FOCAD: variants seen among roughly 807,000 people sequenced by gnomAD.
The protein encoded by FOCAD is focadhesin.
Under a neutral mutation model 225.6 loss-of-function variants are expected in FOCAD, and 198 were observed. That is an observed-to-expected ratio of 0.88 (90% CI 0.78 to 0.99). The LOEUF (loss-of-function observed/expected upper bound fraction) is 0.99. FOCAD is among the 50% of genes least tolerant of loss of function. The pLI is 0.00. For synonymous variants in FOCAD, 897 were observed against 755.0 expected, an observed-to-expected ratio of 1.19 and a Z score of -3.08; for missense variants, 2,713 against 2,123.6, an observed-to-expected ratio of 1.28 and a Z score of -5.46.
intron 35 of FOCAD, among the ~76,000 whole-genome samples, chr9:20,966,557 G>A (rs530437863): frequency 6.6e-6 from 1 of 152,122 alleles, no homozygotes; most frequent in South Asian, 2.1e-4. Flanking sequence ...TTGTTGCTCA[G>A]GTTTTTAATG....
In FOCAD at chr9:20,907,209, A is replaced by C. The variant is rs148962332; in HGVS notation, c.2685A>C (p.Ala895=). 84 of 1,613,326 alleles carry C rather than the reference A, an allele frequency of 5.2e-5. 2 individuals are homozygous for C. The East Asian group carries it at 1.7e-3, about 33-fold the overall frequency. The change falls in exon 22 of 44, where the codon GCA becomes GCC. Residue 895 remains alanine (A), a synonymous_variant. Transcript: ENST00000338382. ...TTTTTCTTCCACAGGCCTGGCTTGC[A>C]TACATGAATCGAGCTTATCATGCCA... ...RAIFLPQAWL[A]YMNRAYHAIL... is the part of the protein sequence containing the mutation.
chr9:20,798,586 G>T (rs530218115), intron 11 of FOCAD, among the ~76,000 whole-genome samples: 2 of 152,130 alleles, frequency 1.3e-5, no homozygotes, highest in Admixed American at 6.6e-5. Context: ...GAGGATGTAT[G>T]TGTCGAGGAA....
At chr9:20,950,098 A>T (rs1055668456) in intron 33 of FOCAD, among the ~76,000 whole-genome samples, 3 of 152,148 alleles carry the variant, frequency 2.0e-5, no homozygotes, top group African/African-American at 7.2e-5. Context: ...AAGAATAGAC[A>T]TATTAATCTC....
chr9:20,709,076 T>G (rs553186623), intron 1 of FOCAD, among the ~76,000 whole-genome samples: 1 of 152,354 alleles, frequency 6.6e-6, no homozygotes, highest in African/African-American at 2.4e-5. Flanking sequence ...TTGAGAAAGT[T>G]GAAAACCCAA....
At chr9:20,721,540 A>G (rs896654471) in intron 4 of FOCAD, among the ~76,000 whole-genome samples, 1 of 152,040 alleles carries the variant, frequency 6.6e-6, no homozygotes, top group Non-Finnish European at 1.5e-5. Flanking sequence ...TGTCTCTACT[A>G]AAAATACAAA....
chr9:20,685,109 C>T (rs1822582698), intron 1 of FOCAD, among the ~76,000 whole-genome samples: 1 of 152,124 alleles, frequency 6.6e-6, no homozygotes, highest in East Asian at 1.9e-4. Flanking sequence ...CCTTAATGGT[C>T]AGCCTCATAC....
chr9:20,927,135 G>C (rs74420650), intron 26 of FOCAD, among the ~76,000 whole-genome samples: 6,247 of 152,108 alleles, frequency 0.041, 172 homozygotes, highest in African/African-American at 0.078. Flanking sequence ...TTATTCTAAT[G>C]TGTAGTCAGG....
chr9:20,993,465 G>C, intron 43 of FOCAD, 137 bp downstream of exon 43: 1 of 670,312 alleles, frequency 1.5e-6, no homozygotes, highest in Non-Finnish European at 2.5e-6. Context: ...TTTGGATTTT[G>C]GATGTTTTTG....
intron 8 of FOCAD, among the ~76,000 whole-genome samples, chr9:20,772,309 G>A (rs560103530): frequency 5.0e-4 from 76 of 152,266 alleles, no homozygotes; most frequent in African/African-American, 1.8e-3. Flanking sequence ...ATATGGTTTT[G>A]AAATTTAGGC....
At chr9:20,899,107 G>GCCTAACCTAAT (rs1832351168) in intron 21 of FOCAD, among the ~76,000 whole-genome samples, 1 of 151,834 alleles carries the variant, frequency 6.6e-6, no homozygotes, top group African/African-American at 2.4e-5. Flanking sequence ...ACTCTTATTA[G>GCCTAACCTAAT]GTTAGGCTCT....
At position 20,948,853 on chromosome 9, in the gene FOCAD, C is replaced by T; in HGVS notation, c.3801C>T (p.Gly1267=). The change falls in exon 32 of 44, where the codon GGC becomes GGT. Residue 1267 remains glycine (G), a splice_region_variant and synonymous_variant. Transcript: ENST00000338382. ...PAWIRIVLTE[G]TPTMLCLAAL... ...ATATTCTGATGCTTTGTTTTCAGGGCACTCCCACAATGCTTTGTCTGGCAG... is the reference window on the plus strand; with the variant it reads ...ATATTCTGATGCTTTGTTTTCAGGGTACTCCCACAATGCTTTGTCTGGCAG... 4 of 1,613,414 alleles carry T rather than the reference C, an allele frequency of 2.5e-6. No homozygotes were observed. In the South Asian group the frequency reaches 4.4e-5, roughly 18 times the overall value.
chr9:20,918,567 C>T (rs1834071008), intron 24 of FOCAD, among the ~76,000 whole-genome samples: 1 of 151,796 alleles, frequency 6.6e-6, no homozygotes, highest in African/African-American at 2.4e-5. Context: ...ACTAAAAATA[C>T]AAAAAAATTA....
chr9:20,722,906 T>C (rs567071604), intron 4 of FOCAD, among the ~76,000 whole-genome samples: 16 of 152,286 alleles, frequency 1.1e-4, no homozygotes, highest in African/African-American at 3.4e-4. Flanking sequence ...GTAATTGCAT[T>C]GTGTAGTTGT....
chr9:20,728,530 T>G lies in FOCAD; in HGVS notation c.287+7996T>G, dbSNP rs1266897849. On this transcript the variant is annotated intron_variant, in intron 4 of 43. Coordinates refer to ENST00000338382, the MANE Select transcript of FOCAD (RefSeq NM_001375567.1). ...ATTTTGGAGCATTTAGGATTTTGGA[T>G]TTGTTGATTAGGGATACTTAGTCTG... 2.0e-5 allele frequency among the ~76,000 whole-genome samples: 3 copies of G among 152,164 alleles called. No individual in the cohort carries two copies. In the East Asian group the frequency reaches 5.8e-4, roughly 29 times the overall value.
chr9:20,819,972 T>C (rs753434620), intron 12 of FOCAD, 72 bp downstream of exon 12: 13 of 963,706 alleles, frequency 1.3e-5, no homozygotes, highest in Non-Finnish European at 2.0e-5. Context: ...TTTTTGGTAT[T>C]ATGAAATTTT....
intron 2 of FOCAD, among the ~76,000 whole-genome samples, chr9:20,660,319 T>C (rs1423490459): frequency 6.6e-6 from 1 of 152,190 alleles, no homozygotes; most frequent in African/African-American, 2.4e-5. Context: ...ACTACTGTTA[T>C]TCCCATTTTA....
At chr9:20,966,614 C>T (rs1839281604) in intron 35 of FOCAD, among the ~76,000 whole-genome samples, 1 of 152,050 alleles carries the variant, frequency 6.6e-6, no homozygotes, top group East Asian at 1.9e-4. Context: ...AGATTTACCC[C>T]TGTGTTTTCT....
chr9:20,913,357 A>G (rs997739192), intron 23 of FOCAD, among the ~76,000 whole-genome samples: 8 of 152,012 alleles, frequency 5.3e-5, no homozygotes, highest in African/African-American at 1.9e-4. Flanking sequence ...CCTCTTCCCC[A>G]AGACATAATT....
At chr9:20,793,098 C>T (rs1200448556) in intron 11 of FOCAD, among the ~76,000 whole-genome samples, 1 of 152,080 alleles carries the variant, frequency 6.6e-6, no homozygotes, top group Admixed American at 6.6e-5. Context: ...ATTCTTCACA[C>T]CAGCAAAAAG....
Sources: allele counts gnomAD v4.1 joint callset (sites outside exome capture counted in the v4.1 genomes callset), GRCh38; gene constraint gnomAD v4.1.1; transcripts MANE v1.5; gene names NCBI Gene and HGNC (gene_info 2026-07-23, HGNC 2026-07-21).